Variants in SPATA16 observed in about 807,000 individuals in gnomAD.
The protein encoded by SPATA16 is spermatogenesis-associated protein 16.
A neutral mutation model predicts 63.3 loss-of-function variants in SPATA16; 36 were observed. The observed-to-expected ratio is 0.57, with a 90% CI of 0.44 to 0.75. The LOEUF (loss-of-function observed/expected upper bound fraction) is 0.75, where lower values mean the gene tolerates loss of function less well. Ranked by LOEUF, SPATA16 falls within the 30% of genes least tolerant of loss-of-function variation. The pLI, the probability that SPATA16 is intolerant of heterozygous loss-of-function variation, is 0.00. For missense variants in SPATA16, 646 were observed against 679.3 expected (o/e 0.95, Z 0.54); for synonymous variants, 203 against 216.7 (o/e 0.94, Z 0.56).
intron 3 of SPATA16, among the ~76,000 whole-genome samples, chr3:173,031,791 A>T (rs551508730): frequency 6.6e-6 from 1 of 152,184 alleles, no homozygotes; most frequent in African/African-American, 2.4e-5. Flanking sequence ...AATAAAGTAT[A>T]ATAGTCCTCT....
chr3:173,122,371 T>A (rs1339091091), intron 1 of SPATA16, among the ~76,000 whole-genome samples: 1 of 152,208 alleles, frequency 6.6e-6, no homozygotes, highest in South Asian at 2.1e-4. Flanking sequence ...GTGGTTTACA[T>A]GGCTATTAGT....
At chr3:172,966,675 G>A (rs1241653468) in intron 5 of SPATA16, among the ~76,000 whole-genome samples, 1 of 152,126 alleles carries the variant, frequency 6.6e-6, no homozygotes, top group Non-Finnish European at 1.5e-5. Context: ...TCAAAAATTA[G>A]CGAAGAAAAT....
chr3:173,123,800 C>T (rs1300770057), intron 1 of SPATA16, among the ~76,000 whole-genome samples: 2 of 151,828 alleles, frequency 1.3e-5, no homozygotes, highest in African/African-American at 2.4e-5. Flanking sequence ...TGCGGGATTT[C>T]ACCATGTTAG....
chr3:173,017,953 T>G (rs1286337426), intron 4 of SPATA16, among the ~76,000 whole-genome samples: 2 of 152,184 alleles, frequency 1.3e-5, no homozygotes, highest in Non-Finnish European at 2.9e-5. Flanking sequence ...GAAACATGTG[T>G]GGTCAGAAAG....
chr3:172,975,466 C>G (rs2108249864), intron 5 of SPATA16, among the ~76,000 whole-genome samples: 1 of 152,236 alleles, frequency 6.6e-6, no homozygotes, highest in East Asian at 1.9e-4. Flanking sequence ...TCCTTTCCCA[C>G]CTCTCTTAAA....
At chr3:173,117,048 C>A in intron 2 of SPATA16, 72 bp downstream of exon 2, 1 of 1,424,342 alleles carries the variant, frequency 7.0e-7, no homozygotes, top group Non-Finnish European at 9.9e-7. Context: ...ATGGCCAGAA[C>A]CCCTCAATGT....
intron 2 of SPATA16, among the ~76,000 whole-genome samples, chr3:173,068,133 A>G (rs908243680): frequency 1.3e-5 from 2 of 152,234 alleles, no homozygotes; most frequent in African/African-American, 4.8e-5. Flanking sequence ...TTAATGTATA[A>G]CAAGAAATCA....
chr3:173,036,195 A>T (rs1271891375), intron 3 of SPATA16, among the ~76,000 whole-genome samples: 1 of 152,076 alleles, frequency 6.6e-6, no homozygotes, highest in African/African-American at 2.4e-5. Flanking sequence ...TATGATTATC[A>T]GACTTGAAAT....
intron 3 of SPATA16, among the ~76,000 whole-genome samples, chr3:173,043,843 A>G (rs1185215132): frequency 6.6e-6 from 1 of 151,812 alleles, no homozygotes; most frequent in African/African-American, 2.4e-5. Context: ...ACTTTTATTT[A>G]TATGAAAATA....
At chr3:173,102,567 A>C (rs993823355) in intron 2 of SPATA16, among the ~76,000 whole-genome samples, 2 of 152,126 alleles carry the variant, frequency 1.3e-5, no homozygotes, top group Non-Finnish European at 2.9e-5. Context: ...AAACAACGAG[A>C]TCTCATGAGA....
chr3:173,068,926 C>T (rs1456933282), intron 2 of SPATA16, among the ~76,000 whole-genome samples: 2 of 149,322 alleles, frequency 1.3e-5, no homozygotes, highest in African/African-American at 5.0e-5. Flanking sequence ...CTGGCTAACA[C>T]GGTGAAACCC....
chr3:173,088,382 C>T (rs1391152220), intron 2 of SPATA16, among the ~76,000 whole-genome samples: 2 of 151,918 alleles, frequency 1.3e-5, no homozygotes, highest in Non-Finnish European at 2.9e-5. Flanking sequence ...TGCACTTGGT[C>T]GCCAAAGCAT....
chr3:173,019,489 G>T lies in SPATA16; in HGVS notation c.845C>A (p.Ala282Asp). 6.2e-7 allele frequency: 1 copy of T among 1,613,148 alleles called. No individual in the cohort carries two copies. The highest frequency in any genetic ancestry group is 8.5e-7 in the Non-Finnish European group (1 of 1,179,196). Reference sequence around the variant, plus strand: ...ACAAAAGTTAAAACAAACATACCGGGCAGCCTCTGAATACCTCTCCAGACA... The same window carrying T: ...ACAAAAGTTAAAACAAACATACCGGTCAGCCTCTGAATACCTCTCCAGACA... ...FRCLERYSEA[A>D]RSAMIADYMF... Residue 282 changes from alanine to aspartate, a missense_variant, in exon 4 of 11, where the codon GCC (alanine) becomes GAC (aspartate). By Grantham distance (126) the Ala-to-Asp change is moderately radical. Transcript: ENST00000351008.
chr3:172,925,147 A>T (rs558156608), intron 7 of SPATA16, among the ~76,000 whole-genome samples, 199 bp downstream of exon 7: 39 of 152,062 alleles, frequency 2.6e-4, no homozygotes, highest in Non-Finnish European at 4.0e-4. Context: ...AGATGATTAG[A>T]TGATTAGAGT....
At chr3:173,126,421 C>G (rs1158268264) in intron 1 of SPATA16, among the ~76,000 whole-genome samples, 5 of 152,198 alleles carry the variant, frequency 3.3e-5, no homozygotes, top group Admixed American at 6.5e-5. Flanking sequence ...TAAATGCAAT[C>G]AGCTTGCCAA....
At chr3:172,946,242 T>C (rs534459971) in intron 6 of SPATA16, among the ~76,000 whole-genome samples, 98 of 152,206 alleles carry the variant, frequency 6.4e-4, no homozygotes, top group African/African-American at 2.3e-3. Context: ...TTGGGTGAAA[T>C]CCAGGCCTAT....
chr3:173,073,600 G>T (rs1037549546), intron 2 of SPATA16, among the ~76,000 whole-genome samples: 2 of 152,218 alleles, frequency 1.3e-5, no homozygotes, highest in African/African-American at 4.8e-5. Context: ...TGAGGTTTGG[G>T]GACCTCTGCC....
chr3:172,957,995 CT>C (rs2108235614), intron 5 of SPATA16, among the ~76,000 whole-genome samples: 1 of 149,396 alleles, frequency 6.7e-6, no homozygotes, highest in South Asian at 2.1e-4. Context: ...CTGAGACTAG[CT>C]TAAAATTATG....
At chr3:173,074,195 G>T (rs971616300) in intron 2 of SPATA16, among the ~76,000 whole-genome samples, 7 of 152,330 alleles carry the variant, frequency 4.6e-5, no homozygotes, top group African/African-American at 1.4e-4. Context: ...TCTCAGATAA[G>T]ACTTTGGACT....
Sources: gnomAD v4.1 joint callset for allele counts (sites outside exome capture counted in the v4.1 genomes callset) on GRCh38, gnomAD v4.1.1 for gene constraint, MANE v1.5 for transcripts, NCBI Gene and HGNC (gene_info 2026-07-23, HGNC 2026-07-21) for gene names.